The following MAPDA variants were observed in gnomAD, a reference collection of about 807,000 sequenced individuals.
MAPDA encodes the protein N6-Methyl-AMP deaminase, also known as N6,N6-dimethyl-AMP deaminase.
chr15:43,342,998 G>T, the MAPDA span: 1 of 1,572,098 alleles, frequency 6.4e-7, no homozygotes, highest in South Asian at 1.2e-5. Context: ...TTCTAGGAAT[G>T]ACTAAAAAGA....
At chr15:43,340,473 A>G in the MAPDA span, 1 of 769,820 alleles carries the variant, frequency 1.3e-6, no homozygotes. Context: ...TCTGTATTTC[A>G]TTGAACCTTT....
the MAPDA span, chr15:43,345,783 T>C: frequency 6.3e-7 from 1 of 1,577,630 alleles, no homozygotes. Context: ...CATCTCTGTC[T>C]GGCTGTACTC....
chr15:43,332,001 G>A, the MAPDA span: 2 of 152,216 alleles, frequency 1.3e-5, no homozygotes, highest in African/African-American at 4.8e-5. Context: ...CAACTCACTG[G>A]TAGAGTAACT....
At chr15:43,334,633 T>TTATGTATATATATATATATATA in the MAPDA span, among the ~76,000 whole-genome samples, 6 of 65,172 alleles carry the variant, frequency 9.2e-5, no homozygotes, top group East Asian at 2.1e-3. Context: ...CTCAAAAAAA[T>TTATGTATATATATATATATATA]TATATATATA....
the MAPDA span, among the ~76,000 whole-genome samples, chr15:43,341,275 A>G: frequency 1.8e-4 from 28 of 152,336 alleles, no homozygotes; most frequent in African/African-American, 6.3e-4. Flanking sequence ...TTTTTGAACC[A>G]TAGAATCAGT....
chr15:43,340,410 C>T, the MAPDA span: 2 of 1,435,698 alleles, frequency 1.4e-6, no homozygotes, highest in African/African-American at 1.4e-5. Flanking sequence ...TTTGATCACT[C>T]ACATGTTTGT....
the MAPDA span, chr15:43,335,274 C>G: frequency 8.1e-7 from 1 of 1,240,720 alleles, no homozygotes; most frequent in Non-Finnish European, 1.2e-6. Flanking sequence ...GTGGCTCATG[C>G]CTGAAATTCT....
At chr15:43,338,823 GC>G in the MAPDA span, among the ~76,000 whole-genome samples, 5 of 152,148 alleles carry the variant, frequency 3.3e-5, no homozygotes, top group Non-Finnish European at 7.4e-5. Flanking sequence ...CTTCACTGTG[GC>G]CTAGATAAAT....
chr15:43,334,633 T>TAATATATATATATATATA, the MAPDA span, among the ~76,000 whole-genome samples: 137 of 65,164 alleles, frequency 2.1e-3, 2 homozygotes, highest in Non-Finnish European at 4.0e-3. Flanking sequence ...CTCAAAAAAA[T>TAATATATATATATATATA]TATATATATA....
At chr15:43,335,628 T>C in the MAPDA span, 1 of 1,486,492 alleles carries the variant, frequency 6.7e-7, no homozygotes, top group Non-Finnish European at 9.0e-7. Flanking sequence ...ACTACCAACA[T>C]TAAGTACTTG....
the MAPDA span, among the ~76,000 whole-genome samples, chr15:43,339,070 C>G: frequency 6.6e-6 from 1 of 152,200 alleles, no homozygotes; most frequent in Admixed American, 6.5e-5. Flanking sequence ...TGACAAGATC[C>G]AGATTCCTCA....
chr15:43,330,551 A>ACACCTC, the MAPDA span: 1 of 1,490,346 alleles, frequency 6.7e-7, no homozygotes, highest in South Asian at 1.4e-5. Context: ...TGGTTAGCAC[A>ACACCTC]CACCTCACGG....
the MAPDA span, among the ~76,000 whole-genome samples, chr15:43,342,204 A>G: frequency 1.7e-4 from 26 of 152,124 alleles, no homozygotes; most frequent in African/African-American, 6.3e-4. Context: ...GCATTTTATA[A>G]TCCGGGTAAA....
chr15:43,349,984 C>T, the MAPDA span, among the ~76,000 whole-genome samples: 9 of 152,060 alleles, frequency 5.9e-5, no homozygotes, highest in African/African-American at 2.2e-4. Flanking sequence ...GAGCAGATAC[C>T]ATCAATCAAG....
the MAPDA span, chr15:43,353,402 T>C: frequency 3.3e-5 from 5 of 152,256 alleles, no homozygotes; most frequent in African/African-American, 1.2e-4. Context: ...ATGACACCCC[T>C]AATTTAAATT....
chr15:43,349,134 C>T, the MAPDA span: 8 of 1,578,066 alleles, frequency 5.1e-6, no homozygotes, highest in African/African-American at 4.1e-5. Flanking sequence ...AAGTACTGTT[C>T]TAAAAGTACG....
the MAPDA span, chr15:43,330,596 T>C: frequency 2.4e-5 from 31 of 1,298,588 alleles, no homozygotes; most frequent in Non-Finnish European, 3.2e-5. Flanking sequence ...CCCATGCTCC[T>C]GGACTTCCCC....
the MAPDA span, chr15:43,347,086 A>G: frequency 1.9e-6 from 3 of 1,612,906 alleles, no homozygotes; most frequent in Non-Finnish European, 2.5e-6. Context: ...TTAGCATTGC[A>G]TCTTTCAGAG....
the MAPDA span, chr15:43,350,802 A>T: frequency 1.8e-4 from 129 of 698,860 alleles, 1 homozygote; most frequent in South Asian, 2.4e-3. Context: ...TTCACACGTA[A>T]GGAAAGGTCG....
Sources: allele counts gnomAD v4.1 joint callset (sites outside exome capture counted in the v4.1 genomes callset), GRCh38; gene constraint gnomAD v4.1.1; transcripts MANE v1.5; gene names NCBI Gene and HGNC (gene_info 2026-07-23, HGNC 2026-07-21).